MALRD1: variants seen among roughly 807,000 people sequenced by gnomAD.
MALRD1 encodes MAM and LDL receptor class A domain containing 1, also known as MAM and LDL-receptor class A domain-containing protein 1.
Under a neutral mutation model 242.1 loss-of-function variants are expected in MALRD1, and 247 were observed. The observed-to-expected ratio is 1.02, with a 90% CI of 0.92 to 1.13. The LOEUF (loss-of-function observed/expected upper bound fraction) is 1.13. MALRD1 is among the 50% of genes most tolerant of loss of function. The pLI, the probability that MALRD1 is intolerant of heterozygous loss-of-function variation, is 0.00. For synonymous variants in MALRD1, 995 were observed against 866.6 expected (o/e 1.15, Z -2.60); for missense variants, 2,989 against 2,533.1 (o/e 1.18, Z -3.86).
In MALRD1 at chr10:19,110,476, AC is replaced by A. The variant is rs780009865; in HGVS notation, c.694+6405del. Reference sequence around the variant, plus strand: ...GAACTTTAAGGGACCAGATTATAACACCCCTGCCTCAAACCTAGAAGTAAAT... The same window carrying A: ...GAACTTTAAGGGACCAGATTATAACACCCTGCCTCAAACCTAGAAGTAAAT... On this transcript the variant is annotated intron_variant, in intron 5 of 39. Coordinates refer to ENST00000454679, the MANE Select transcript of MALRD1 (RefSeq NM_001142308.3). 1.2e-3 allele frequency among the ~76,000 whole-genome samples: 186 copies of A among 152,204 alleles called. 1 individual carries two copies. Among genetic ancestry groups the A allele is most frequent in the Non-Finnish European group, 2.1e-3 (145 of 68,008 alleles).
intron 28 of MALRD1, among the ~76,000 whole-genome samples, chr10:19,391,780 A>T (rs571351511): frequency 6.6e-6 from 1 of 152,322 alleles, no homozygotes; most frequent in African/African-American, 2.4e-5. Flanking sequence ...AAATTATTCT[A>T]GTTCAACCAA....
intron 10 of MALRD1, among the ~76,000 whole-genome samples, chr10:19,144,441 A>G (rs1019925432): frequency 6.6e-6 from 1 of 152,234 alleles, no homozygotes; most frequent in African/African-American, 2.4e-5. Context: ...CGGAAGTGGC[A>G]TTGTCATTTG....
At chr10:19,713,781 G>A (rs1253030044) in intron 38 of MALRD1, among the ~76,000 whole-genome samples, 1 of 152,230 alleles carries the variant, frequency 6.6e-6, no homozygotes, top group African/African-American at 2.4e-5. Context: ...GCACAGTGAC[G>A]TGCAGAGAAG....
intron 28 of MALRD1, among the ~76,000 whole-genome samples, chr10:19,421,634 T>A (rs1833722899): frequency 6.6e-6 from 1 of 152,248 alleles, no homozygotes. Flanking sequence ...AATTAATGGC[T>A]GCACTAGTCA....
chr10:19,268,139 G>A (rs75713020), intron 19 of MALRD1, among the ~76,000 whole-genome samples: 2,320 of 152,058 alleles, frequency 0.015, 64 homozygotes, highest in African/African-American at 0.053. Flanking sequence ...TCAGTCATTT[G>A]TAGTCACATT....
rs1478683650 is a variant in MALRD1 at position 19,595,336 on chromosome 10, C to A, written c.5823C>A (p.Ser1941Arg). Residue 1941 changes from serine to arginine, a missense_variant, in exon 34 of 40, where the codon AGC becomes AGA. By Grantham distance (110) the Ser-to-Arg change is moderately radical (BLOSUM62 -1). Transcript: ENST00000454679. The part of the protein sequence containing the change: ...DGSDEMDCPL[S>R]PTPPLCSNME... ...CTGATGAAATGGATTGTCCTCTCAG[C>A]CCCACCCCTCCACTCTGTAGTAACA... 1.3e-6 allele frequency: 2 copies of A among 1,550,136 alleles called. No individual in the cohort carries two copies. The highest frequency in any genetic ancestry group is 1.7e-6 in the Non-Finnish European group (2 of 1,146,578).
At chr10:19,263,961 T>A (rs1588807148) in intron 19 of MALRD1, among the ~76,000 whole-genome samples, 1 of 152,214 alleles carries the variant, frequency 6.6e-6, no homozygotes, top group Admixed American at 6.5e-5. Context: ...GAGACAAAGA[T>A]TTGAGGATCT....
intron 36 of MALRD1, among the ~76,000 whole-genome samples, chr10:19,671,437 G>A (rs1464038585): frequency 1.3e-5 from 2 of 152,062 alleles, no homozygotes; most frequent in African/African-American, 4.8e-5. Context: ...GACCAACATG[G>A]CAAAACCTCA....
intron 38 of MALRD1, among the ~76,000 whole-genome samples, chr10:19,693,724 A>G (rs1833219283): frequency 6.6e-6 from 1 of 152,188 alleles, no homozygotes; most frequent in African/African-American, 2.4e-5. Flanking sequence ...GGAAAAAACT[A>G]CTTTAAAGTT....
chr10:19,640,394 T>G (rs1840329046), intron 36 of MALRD1, among the ~76,000 whole-genome samples: 1 of 152,142 alleles, frequency 6.6e-6, no homozygotes. Flanking sequence ...CGGACTTCAT[T>G]GTCTTCTACT....
chr10:19,291,237 A>G (rs542906922), intron 21 of MALRD1, among the ~76,000 whole-genome samples: 4 of 152,294 alleles, frequency 2.6e-5, no homozygotes, highest in Admixed American at 2.0e-4. Context: ...CTGGTAGAAT[A>G]CCTATGTGTA....
chr10:19,666,859 T>C (rs1442763797), intron 36 of MALRD1, among the ~76,000 whole-genome samples: 1 of 152,074 alleles, frequency 6.6e-6, no homozygotes, highest in Non-Finnish European at 1.5e-5. Context: ...ACAAAAAAAG[T>C]TAATAACATT....
At chr10:19,490,904 A>C (rs991164417) in intron 29 of MALRD1, among the ~76,000 whole-genome samples, 1 of 152,196 alleles carries the variant, frequency 6.6e-6, no homozygotes, top group African/African-American at 2.4e-5. Context: ...CACTTTAATT[A>C]TGTGTATAAA....
intron 36 of MALRD1, among the ~76,000 whole-genome samples, chr10:19,643,002 T>C (rs1840464177): frequency 2.0e-5 from 3 of 152,224 alleles, no homozygotes; most frequent in Admixed American, 2.0e-4. Flanking sequence ...AATTTTGTAG[T>C]TAGTTTGAAC....
intron 24 of MALRD1, among the ~76,000 whole-genome samples, chr10:19,335,789 AT>A (rs1843580043): frequency 6.6e-6 from 1 of 152,092 alleles, no homozygotes; most frequent in Non-Finnish European, 1.5e-5. Flanking sequence ...GATATAAAAC[AT>A]TTCATGGAGA....
chr10:19,262,224 A>G (rs1185894211), intron 19 of MALRD1, among the ~76,000 whole-genome samples: 5 of 152,142 alleles, frequency 3.3e-5, no homozygotes, highest in Non-Finnish European at 5.9e-5. Flanking sequence ...TATAATTGGC[A>G]AAATGGTATA....
At chr10:19,276,268 T>C (rs893506627) in intron 19 of MALRD1, among the ~76,000 whole-genome samples, 19 of 150,152 alleles carry the variant, frequency 1.3e-4, no homozygotes, top group African/African-American at 4.4e-4. Context: ...AAATAAAAAG[T>C]TTACATGCAT....
At chr10:19,320,218 C>T (rs1226740546) in intron 21 of MALRD1, among the ~76,000 whole-genome samples, 1 of 151,812 alleles carries the variant, frequency 6.6e-6, no homozygotes, top group East Asian at 1.9e-4. Context: ...CTCTCCCTCC[C>T]CTTACCCCTA....
rs1837147457 is a variant in MALRD1 at position 19,123,637 on chromosome 10, A to C, written c.796+44A>C. 10 of 1,096,660 alleles carry C rather than the reference A, an allele frequency of 9.1e-6. No homozygotes were observed. In the Admixed American group the frequency reaches 3.8e-4, roughly 42 times the overall value. 67.9% of individuals were successfully genotyped at this position (1,096,660 alleles called of 1,614,324 possible). On this transcript the variant is annotated intron_variant, in intron 6 of 39. Coordinates refer to ENST00000454679, the MANE Select transcript of MALRD1 (RefSeq NM_001142308.3). The stretch of plus-strand genomic sequence containing the variant: ...TATTCACTTTTCTGGTATATATGCA[A>C]TATGTGAGACTCAGACCACTCACAG...
Sources: allele counts gnomAD v4.1 joint callset (sites outside exome capture counted in the v4.1 genomes callset), GRCh38; gene constraint gnomAD v4.1.1; transcripts MANE v1.5; gene names NCBI Gene and HGNC (gene_info 2026-07-23, HGNC 2026-07-21).